Variants in SLC16A2 observed in about 807,000 individuals in gnomAD.
SLC16A2 encodes monocarboxylate transporter 8.
Under a neutral mutation model 27.2 loss-of-function variants are expected in SLC16A2, and 3 were observed. The ratio of observed to expected loss-of-function variants is 0.11; its 90% CI spans 0.05 to 0.28. The LOEUF (loss-of-function observed/expected upper bound fraction) is 0.28, where lower values mean the gene tolerates loss of function less well. Ranked by LOEUF, SLC16A2 falls within the 10% of genes least tolerant of loss-of-function variation. The pLI is 1.00. For missense variants in SLC16A2, 295 were observed against 458.5 expected, an observed-to-expected ratio of 0.64 and a Z score of 3.26; for synonymous variants, 202 against 187.8, an observed-to-expected ratio of 1.08 and a Z score of -0.62.
At chrX:74,452,808 C>T (rs921790696) in intron 1 of SLC16A2, among the ~76,000 whole-genome samples, 20 of 111,008 alleles carry the variant, frequency 1.8e-4, no homozygotes, top group African/African-American at 6.5e-4. Context: ...AAGTATGGAG[C>T]CCCAGAACCT....
chrX:74,459,775 C>T (rs1293303224), intron 1 of SLC16A2, among the ~76,000 whole-genome samples: 2 of 111,273 alleles, frequency 1.8e-5, no homozygotes, highest in Non-Finnish European at 3.8e-5. Flanking sequence ...TCTCCAGACT[C>T]GGGTGATTAA....
intron 1 of SLC16A2, among the ~76,000 whole-genome samples, chrX:74,476,188 G>T (rs1408922235): frequency 9.0e-6 from 1 of 111,608 alleles, no homozygotes; most frequent in African/African-American, 3.3e-5. Context: ...CCTTGAAGAG[G>T]TCCTTCACAT....
Position 74,531,577 on chromosome X carries a change from C to T in SLC16A2, c.*24C>T. On this transcript the variant is annotated 3_prime_UTR_variant, in exon 6 of 6. Transcript: ENST00000587091. ...AATGCCTTTCTTGCCATTGTGTGCC[C>T]TTTCCCAGCTCTTCCCCTTCATCCC... 1 of 1,121,796 alleles carries T rather than the reference C, an allele frequency of 8.9e-7. No homozygotes were observed. The highest frequency in any genetic ancestry group is 1.2e-6 in the Non-Finnish European group (1 of 814,568). The allele number at this position is 1,121,796 out of a possible 1,213,427, so 92.4% of individuals were successfully genotyped here.
intron 1 of SLC16A2, among the ~76,000 whole-genome samples, chrX:74,439,188 T>TTTCTTTCTTTCTTTC (rs1569284648): frequency 5.5e-5 from 5 of 91,019 alleles, no homozygotes; most frequent in East Asian, 9.2e-4. Flanking sequence ...TTCTTTCTTT[T>TTTCTTTCTTTCTTTC]TCTTTCTTTC....
At chrX:74,506,937 A>ATTTTTTT (rs34001854) in intron 1 of SLC16A2, among the ~76,000 whole-genome samples, 1 of 84,052 alleles carries the variant, frequency 1.2e-5, no homozygotes, top group African/African-American at 4.7e-5. Context: ...TTATTTATTT[A>ATTTTTTT]TTTTTTTTTT....
At chrX:74,477,402 T>G (rs1929504745) in intron 1 of SLC16A2, among the ~76,000 whole-genome samples, 1 of 111,711 alleles carries the variant, frequency 9.0e-6, no homozygotes, top group Non-Finnish European at 1.9e-5. Context: ...TAGCGGTCTA[T>G]CCATTTTGTT....
chrX:74,424,864 T>C (rs964814596), intron 1 of SLC16A2, among the ~76,000 whole-genome samples: 1 of 111,252 alleles, frequency 9.0e-6, no homozygotes, highest in African/African-American at 3.3e-5. Context: ...TAGTTTCTTA[T>C]ACTTTATTTT....
At chrX:74,487,264 A>T (rs2147858273) in intron 1 of SLC16A2, among the ~76,000 whole-genome samples, 1 of 110,910 alleles carries the variant, frequency 9.0e-6, no homozygotes, top group African/African-American at 3.3e-5. Flanking sequence ...GGGGTCCCTT[A>T]ACCCTCAAAT....
Position 74,525,906 on chromosome X carries a change from A to C in SLC16A2, c.1170+13A>C. On this transcript the variant is annotated intron_variant, in intron 4 of 5. Coordinates refer to ENST00000587091, the MANE Select transcript of SLC16A2 (RefSeq NM_006517.5). Reference sequence around the variant, plus strand: ...GATCTACTTGCAGGTGAGTGTGACCACTTGTCCACTGTGGGGAGAAACAGC... The same window carrying C: ...GATCTACTTGCAGGTGAGTGTGACCCCTTGTCCACTGTGGGGAGAAACAGC... The C allele has an allele frequency of 2.5e-6, 3 of 1,209,452 alleles. No individual in the cohort carries two copies. Among genetic ancestry groups the C allele is most frequent in the Non-Finnish European group, 3.4e-6 (3 of 894,088 alleles).
chrX:74,468,985 C>T (rs895490395), intron 1 of SLC16A2, among the ~76,000 whole-genome samples: 3 of 111,522 alleles, frequency 2.7e-5, no homozygotes, highest in Non-Finnish European at 3.8e-5. Flanking sequence ...CTCCCCATTA[C>T]CCTTCCCAGC....
chrX:74,459,314 G>A (rs1442221832), intron 1 of SLC16A2, among the ~76,000 whole-genome samples: 1 of 47,194 alleles, frequency 2.1e-5, no homozygotes, highest in African/African-American at 7.7e-5. Flanking sequence ...AGAGGCTGAG[G>A]CCAGTGCCCC....
intron 1 of SLC16A2, among the ~76,000 whole-genome samples, chrX:74,424,029 A>T (rs893723244): frequency 9.5e-6 from 1 of 104,970 alleles, no homozygotes; most frequent in African/African-American, 3.5e-5. Flanking sequence ...GTAGGTGATC[A>T]TAGGGGACTC....
chrX:74,493,866 G>A (rs1929884596), intron 1 of SLC16A2, among the ~76,000 whole-genome samples: 1 of 111,516 alleles, frequency 9.0e-6, no homozygotes, highest in South Asian at 3.8e-4. Context: ...TGGGGGTTGT[G>A]AGGACCTTAC....
At chrX:74,444,294 A>G (rs1490342810) in intron 1 of SLC16A2, among the ~76,000 whole-genome samples, 1 of 110,775 alleles carries the variant, frequency 9.0e-6, no homozygotes, top group African/African-American at 3.3e-5. Context: ...CCTGCCCCTG[A>G]CTCCTCTACC....
intron 1 of SLC16A2, among the ~76,000 whole-genome samples, chrX:74,462,605 A>G (rs1929172252): frequency 1.0e-5 from 1 of 95,609 alleles, no homozygotes; most frequent in Non-Finnish European, 2.0e-5. Context: ...GGCGTGAGCC[A>G]CTGCACCCGG....
At chrX:74,439,477 ATT>A (rs58357634) in intron 1 of SLC16A2, among the ~76,000 whole-genome samples, 15 of 78,525 alleles carry the variant, frequency 1.9e-4, no homozygotes, top group South Asian at 7.0e-4. Context: ...GGCCCGGCTA[ATT>A]TTTTTTTTTT....
At chrX:74,480,188 G>A (rs1312178551) in intron 1 of SLC16A2, among the ~76,000 whole-genome samples, 3 of 112,008 alleles carry the variant, frequency 2.7e-5, no homozygotes, top group African/African-American at 9.7e-5. Context: ...AATGTTGGGC[G>A]TCCCTCCCAC....
At chrX:74,529,067 A>C (rs1930526747) in intron 4 of SLC16A2, 146 bp from the exon 5 acceptor site, 4 of 461,205 alleles carry the variant, frequency 8.7e-6, no homozygotes, top group Non-Finnish European at 1.5e-5. Flanking sequence ...CTAACCATTC[A>C]GCCCAACTGC....
intron 1 of SLC16A2, among the ~76,000 whole-genome samples, chrX:74,499,691 T>C (rs1247590591): frequency 9.0e-6 from 1 of 111,581 alleles, no homozygotes. Context: ...GGGCCTCAAG[T>C]GATCTGCCCA....
Sources: gnomAD v4.1 joint callset for allele counts (sites outside exome capture counted in the v4.1 genomes callset) on GRCh38, gnomAD v4.1.1 for gene constraint, MANE v1.5 for transcripts, NCBI Gene and HGNC (gene_info 2026-07-23, HGNC 2026-07-21) for gene names.